NDUFAF6: variants seen among roughly 807,000 people sequenced by gnomAD.
NDUFAF6 encodes the protein NADH dehydrogenase (ubiquinone) complex I, assembly factor 6.
In NDUFAF6, 45 loss-of-function variants were observed where a neutral mutation model predicts 40.8. The ratio of observed to expected loss-of-function variants is 1.10; its 90% CI spans 0.87 to 1.42. The LOEUF is 1.42. NDUFAF6 is among the 40% of genes most tolerant of loss of function. NDUFAF6 has a pLI of 0.00. For synonymous variants in NDUFAF6, 185 were observed against 155.9 expected (o/e 1.19, Z -1.39); for missense variants, 435 against 418.5 (o/e 1.04, Z -0.34).
intron 2 of NDUFAF6, among the ~76,000 whole-genome samples, chr8:95,009,173 C>G (rs1166495915): frequency 1.3e-5 from 2 of 151,556 alleles, no homozygotes; most frequent in East Asian, 3.9e-4. Flanking sequence ...GCACTCCAGC[C>G]TGGGCCACAG....
At chr8:95,073,408 G>T (rs1272671662) in intron 9 of NDUFAF6, among the ~76,000 whole-genome samples, 5 of 151,588 alleles carry the variant, frequency 3.3e-5, no homozygotes, top group Admixed American at 3.3e-4. Context: ...TCTCCCGAGC[G>T]CCCGCGCCCC....
intron 2 of NDUFAF6, among the ~76,000 whole-genome samples, chr8:95,094,827 A>G (rs745887952): frequency 3.4e-5 from 5 of 146,504 alleles, no homozygotes; most frequent in Non-Finnish European, 5.9e-5. Context: ...ATCACAGCTC[A>G]TGGCAACTTT....
intron 1 of NDUFAF6, among the ~76,000 whole-genome samples, chr8:94,960,776 A>G (rs1400124242): frequency 6.6e-6 from 1 of 152,208 alleles, no homozygotes; most frequent in East Asian, 1.9e-4. Context: ...TGTTTTTGAT[A>G]ACAGTGTATT....
intron 1 of NDUFAF6, among the ~76,000 whole-genome samples, chr8:94,912,693 G>T (rs560925131): frequency 6.6e-6 from 1 of 152,034 alleles, no homozygotes; most frequent in East Asian, 1.9e-4. Flanking sequence ...GGCACCTGTA[G>T]TCCCAGCTAC....
intron 9 of NDUFAF6, among the ~76,000 whole-genome samples, chr8:95,066,467 A>G (rs1359765325): frequency 6.6e-6 from 1 of 151,770 alleles, no homozygotes; most frequent in Non-Finnish European, 1.5e-5. Flanking sequence ...GTTCTCCTAA[A>G]ACCCTTTTAT....
chr8:94,911,987 T>G (rs748056221), intron 1 of NDUFAF6, among the ~76,000 whole-genome samples: 39 of 152,210 alleles, frequency 2.6e-4, no homozygotes, highest in Non-Finnish European at 5.0e-4. Flanking sequence ...GCTGCATTAT[T>G]AGAGAGAAAT....
chr8:95,057,759 T>TA, intron 8 of NDUFAF6, 50 bp from the exon 9 acceptor site: 1 of 1,382,796 alleles, frequency 7.2e-7, no homozygotes, highest in Non-Finnish European at 1.0e-6. Context: ...TTTTTTTTTT[T>TA]AAGTCTTGAT....
chr8:95,074,763 A>G (rs1359873429), intron 9 of NDUFAF6, among the ~76,000 whole-genome samples: 1 of 152,002 alleles, frequency 6.6e-6, no homozygotes, highest in Non-Finnish European at 1.5e-5. Flanking sequence ...GTCTAATCCC[A>G]GATGTGGATT....
intron 6 of NDUFAF6, 134 bp from the exon 7 acceptor site, chr8:95,048,323 C>T (rs1831039876): frequency 2.8e-6 from 2 of 705,150 alleles, no homozygotes; most frequent in South Asian, 3.0e-5. Context: ...AGGCATTAAA[C>T]TGTACATACT....
At chr8:94,918,478 C>T (rs911161268) in intron 1 of NDUFAF6, among the ~76,000 whole-genome samples, 1 of 152,134 alleles carries the variant, frequency 6.6e-6, no homozygotes, top group African/African-American at 2.4e-5. Context: ...CATTTTTCAC[C>T]TTTGCAGACT....
chr8:95,045,408 TTTATC>T (rs1348326750), intron 4 of NDUFAF6, 132 bp from the exon 5 acceptor site: 47 of 658,954 alleles, frequency 7.1e-5, no homozygotes, highest in Admixed American at 1.8e-4. Context: ...ATTGTAATGT[TTTATC>T]TTATTGTGTA....
At chr8:95,018,908 C>T (rs1360737390) in intron 2 of NDUFAF6, among the ~76,000 whole-genome samples, 1 of 152,220 alleles carries the variant, frequency 6.6e-6, no homozygotes. Context: ...ATGGCATAGG[C>T]AAGGTATTTG....
intron 1 of NDUFAF6, among the ~76,000 whole-genome samples, chr8:94,958,771 G>A (rs969829676): frequency 5.3e-5 from 8 of 151,990 alleles, no homozygotes; most frequent in Non-Finnish European, 1.2e-4. Context: ...TCAGCCTCCC[G>A]AAGTACTGGG....
intron 3 of NDUFAF6, among the ~76,000 whole-genome samples, chr8:95,041,338 A>G (rs766623601): frequency 2.0e-4 from 31 of 152,254 alleles, no homozygotes; most frequent in Non-Finnish European, 3.8e-4. Context: ...GTATAGGAAA[A>G]AAAGACAAGT....
At chr8:95,034,433 C>T (rs1829237176) in intron 2 of NDUFAF6, among the ~76,000 whole-genome samples, 1 of 152,014 alleles carries the variant, frequency 6.6e-6, no homozygotes, top group Non-Finnish European at 1.5e-5. Context: ...GCATTTTTTC[C>T]CCCTTCTGTA....
chr8:95,096,514 TGAAA>T (rs776577938), upstream of NDUFAF6, among the ~76,000 whole-genome samples: 1 of 152,164 alleles, frequency 6.6e-6, no homozygotes, highest in Non-Finnish European at 1.5e-5. Context: ...CAATAGCTGA[TGAAA>T]GAGAGAATTA....
intron 1 of NDUFAF6, chr8:94,929,039 A>G (rs1820142780): frequency 6.6e-6 from 1 of 152,646 alleles, no homozygotes; most frequent in South Asian, 2.1e-4. Context: ...ACTGCGGAAA[A>G]AGGAAGTGAC....
At chr8:94,932,165 A>G in intron 1 of NDUFAF6, 1 of 1,557,934 alleles carries the variant, frequency 6.4e-7, no homozygotes, top group Non-Finnish European at 8.8e-7. Context: ...ATGCTATTGT[A>G]ACTTTACTAT....
At chr8:95,012,586 G>C (rs985882571) in intron 2 of NDUFAF6, among the ~76,000 whole-genome samples, 2 of 152,072 alleles carry the variant, frequency 1.3e-5, no homozygotes, top group Non-Finnish European at 2.9e-5. Flanking sequence ...TAGGCAGGTG[G>C]CTCTCTTGAG....
Sources: allele counts gnomAD v4.1 joint callset (sites outside exome capture counted in the v4.1 genomes callset), GRCh38; gene constraint gnomAD v4.1.1; transcripts MANE v1.5; gene names NCBI Gene and HGNC (gene_info 2026-07-23, HGNC 2026-07-21).